Variants in NOL7 observed in about 807,000 individuals in gnomAD.
NOL7 encodes the protein U3 small nucleolar RNA-associated protein NOL7.
In NOL7, 36 loss-of-function variants were observed where a neutral mutation model predicts 38.4. The ratio of observed to expected loss-of-function variants is 0.94; its 90% CI spans 0.72 to 1.24. NOL7 has a LOEUF of 1.24. Ranked by LOEUF, NOL7 falls within the 50% of genes most tolerant of loss-of-function variation. The probability of loss-of-function intolerance (pLI) is 0.00; values close to 1 mark genes in which losing one functional copy is unlikely to be tolerated. For missense variants in NOL7, 350 were observed against 315.1 expected (o/e 1.11, Z -0.84); for synonymous variants, 142 against 126.5 (o/e 1.12, Z -0.82).
chr6:13,620,276 C>A lies in NOL7; in HGVS notation c.569C>A (p.Ala190Glu). Residue 190 changes from alanine (A) to glutamate (E), a missense_variant, in exon 6 of 8, where the codon GCA (alanine) becomes GAA (glutamate). Ala to Glu is a moderately radical substitution (Grantham distance 107, BLOSUM62 -1). Transcript: ENST00000451315. ...CTGAGAGATTCAAGGCAACAAGCAG[C>A]ACAAGCCTTCATACATAATTCATTA... The part of the protein sequence containing the change: ...QDLRDSRQQA[A>E]QAFIHNSLYG... 1 of 1,614,170 alleles carries A rather than the reference C, an allele frequency of 6.2e-7. No homozygotes were observed. The highest frequency in any genetic ancestry group is 8.5e-7 in the Non-Finnish European group (1 of 1,180,004).
chr6:13,620,219 GC>G lies in NOL7; in HGVS notation c.513del (p.Tyr172ThrfsTer4), dbSNP rs1203451065. The G allele has an allele frequency of 6.2e-7, 1 of 1,610,992 alleles. No individual in the cohort carries two copies. The highest frequency in any genetic ancestry group is 1.7e-5 in the Admixed American group (1 of 58,896). ...ATATTGATCAACAGCCAGAATAAAA[GC>G]TACTTGGCCGTAAGGCTAAAAGACC... is the stretch of plus-strand genomic sequence containing the variant. The part of the protein sequence containing the change: ...QKVQSVSQNK[S>X]YLAVRLKDQD... On this transcript the variant is annotated frameshift_variant, in exon 6 of 8. Coordinates refer to ENST00000451315, the MANE Select transcript of NOL7 (RefSeq NM_016167.5). LOFTEE classifies it high-confidence loss of function.
chr6:13,615,566 G>T lies in NOL7; in HGVS notation c.208G>T (p.Ala70Ser), dbSNP rs1296468325. 1.9e-6 allele frequency: 3 copies of T among 1,567,098 alleles called. No homozygotes were observed. Among genetic ancestry groups the T allele is most frequent in the African/African-American group, 1.4e-5 (1 of 73,916 alleles). Reference sequence around the variant, plus strand: ...TGAGGCCCCGGAGGAGCTGACTTTCGCCAGCGCCCAGGCGGAAGCGAGAGA... The same window carrying T: ...TGAGGCCCCGGAGGAGCTGACTTTCTCCAGCGCCCAGGCGGAAGCGAGAGA... ...DDEAPEELTF[A>S]SAQAEAREEE... The change falls in exon 1 of 8, where the codon GCC becomes TCC. Residue 70 changes from alanine to serine, a missense_variant. Coordinates refer to ENST00000451315, the MANE Select transcript of NOL7 (RefSeq NM_016167.5).
At chr6:13,623,110 G>T (rs1764500473), downstream of NOL7, among the ~76,000 whole-genome samples, 1 of 152,042 alleles carries the variant, frequency 6.6e-6, no homozygotes, top group Non-Finnish European at 1.5e-5. Flanking sequence ...AATTTTCAGG[G>T]TCCTGCATAT....
Position 13,615,553 on chromosome 6 carries a change from G to A in NOL7, c.195G>A (p.Glu65=), listed in dbSNP as rs1452172960. 2 of 1,562,912 alleles carry A rather than the reference G, an allele frequency of 1.3e-6. No individual in the cohort carries two copies. Among genetic ancestry groups the A allele is most frequent in the South Asian group, 1.2e-5 (1 of 85,804 alleles). The change falls in exon 1 of 8, where the codon GAG becomes GAA. Residue 65 remains glutamate, a synonymous_variant. Coordinates refer to ENST00000451315, the MANE Select transcript of NOL7 (RefSeq NM_016167.5). ...GDDEFDDEAP[E]ELTFASAQAE... ...ATGAGTTTGACGATGAGGCCCCGGA[G>A]GAGCTGACTTTCGCCAGCGCCCAGG...
intron 2 of NOL7, 147 bp downstream of exon 2, chr6:13,615,919 C>A: frequency 1.1e-6 from 1 of 873,098 alleles, no homozygotes; most frequent in Non-Finnish European, 1.7e-6. Context: ...ATGCTCGGGC[C>A]GGGCGCGGCA....
chr6:13,615,628 C>T lies in NOL7; in HGVS notation c.266+4C>T, dbSNP rs376387862. The stretch of plus-strand genomic sequence containing the variant: ...GAGTGCGGGAGACCGTGCGCAGGTT[C>T]GGAGCCCGCTGCCCGGCGGGGAGAA... On this transcript the variant is annotated splice_donor_region_variant and intron_variant, in intron 1 of 7. Coordinates refer to ENST00000451315, the MANE Select transcript of NOL7 (RefSeq NM_016167.5). 531 of 1,604,184 alleles carry T rather than the reference C, an allele frequency of 3.3e-4. No individual in the cohort carries two copies. The highest frequency in any genetic ancestry group is 4.5e-4 in the Non-Finnish European group (525 of 1,174,658).
rs939543738 is a variant in NOL7 at position 13,615,577 on chromosome 6, G to A, written c.219G>A (p.Gln73=). ...APEELTFASA[Q]AEAREEERRV... ...AGGAGCTGACTTTCGCCAGCGCCCA[G>A]GCGGAAGCGAGAGAAGAGGAGCGGC... The change falls in exon 1 of 8, where the codon CAG becomes CAA. Residue 73 remains glutamine, a synonymous_variant. Coordinates refer to ENST00000451315, the MANE Select transcript of NOL7 (RefSeq NM_016167.5). 1.3e-6 allele frequency: 2 copies of A among 1,573,966 alleles called. No individual in the cohort carries two copies. The highest frequency in any genetic ancestry group is 1.7e-6 in the Non-Finnish European group (2 of 1,158,240).
In NOL7 at chr6:13,620,729, T is replaced by TA. The variant is rs746897209; in HGVS notation, c.701-24dup. The TA allele has an allele frequency of 4.1e-6, 6 of 1,462,722 alleles. No individual in the cohort carries two copies. In the South Asian group the frequency reaches 6.1e-5, roughly 15 times the overall value. The allele number at this position is 1,462,722 out of a possible 1,614,324, so 90.6% of individuals were successfully genotyped here. A position where few individuals can be genotyped will look rare whatever the true frequency, so the allele number is the denominator to read the frequency against. On this transcript the variant is annotated intron_variant, in intron 7 of 7. Transcript: ENST00000451315. Reference sequence around the variant, plus strand: ...TTGAATTATGTTTTTCTAATATACTTACTGCAGAAAACTTTATATTCTAGG... The same window carrying TA: ...TTGAATTATGTTTTTCTAATATACTTAACTGCAGAAAACTTTATATTCTAGG...
downstream of NOL7, chr6:13,622,184 CCTAACA>C (rs1396629808): frequency 6.9e-5 from 37 of 532,846 alleles, 1 homozygote; most frequent in South Asian, 3.6e-4. Flanking sequence ...AATAATTTCT[CCTAACA>C]CTAAGTTAGA....
downstream of NOL7, among the ~76,000 whole-genome samples, chr6:13,624,765 A>G (rs1387648128): frequency 6.6e-6 from 1 of 152,148 alleles, no homozygotes; most frequent in African/African-American, 2.4e-5. Context: ...CTCGCCTTTT[A>G]AATTGCTTTT....
rs377564533 is a variant in NOL7, at chr6:13,617,246, C to A, written c.387-524C>A. Among the ~76,000 whole-genome samples, 4 of 132,706 alleles carry A rather than the reference C, an allele frequency of 3.0e-5. No individual in the cohort carries two copies. In the East Asian group the frequency reaches 7.3e-4, roughly 24 times the overall value. 87.1% of individuals were successfully genotyped at this position (132,706 alleles called of 152,430 possible). Reference sequence around the variant, plus strand: ...AGTGTCACCTTTACCTTCTCATTTGCCCCCCCCCACCTCCCATCACTTCCG... The same window carrying A: ...AGTGTCACCTTTACCTTCTCATTTGACCCCCCCCACCTCCCATCACTTCCG... On this transcript the variant is annotated intron_variant, in intron 3 of 7. Transcript: ENST00000451315.
At position 13,615,784 on chromosome 6, in the gene NOL7, G is replaced by A. The variant is rs752583211; in HGVS notation, c.327+12G>A. 6 of 1,603,184 alleles carry A rather than the reference G, an allele frequency of 3.7e-6. No individual in the cohort carries two copies. The highest frequency in any genetic ancestry group is 5.1e-6 in the Non-Finnish European group (6 of 1,176,492). The stretch of plus-strand genomic sequence containing the variant: ...TCATCGAACAGAAGGTTAGAGGCTA[G>A]GGAGGAGGTGTCTTATTAAAACAAC... On this transcript the variant is annotated intron_variant, in intron 2 of 7. Coordinates refer to ENST00000451315, the MANE Select transcript of NOL7 (RefSeq NM_016167.5).
downstream of NOL7, chr6:13,622,427 C>T: frequency 6.2e-7 from 1 of 1,607,742 alleles, no homozygotes; most frequent in Middle Eastern, 1.7e-4. Flanking sequence ...GCCATCAGTC[C>T]TAGACATTGT....
At chr6:13,624,145 T>C (rs1217953932), downstream of NOL7, among the ~76,000 whole-genome samples, 1 of 152,164 alleles carries the variant, frequency 6.6e-6, no homozygotes, top group Non-Finnish European at 1.5e-5. Flanking sequence ...TATATACAAA[T>C]CCTAAATTCC....
At chr6:13,632,355 A>C in intron 8 of NOL7, 2 of 1,606,248 alleles carry the variant, frequency 1.2e-6, no homozygotes, top group South Asian at 2.2e-5. Context: ...ATTTTTCAAG[A>C]AAAAATATAT....
downstream of NOL7, among the ~76,000 whole-genome samples, chr6:13,623,263 T>C (rs1764506314): frequency 1.3e-5 from 2 of 152,138 alleles, no homozygotes; most frequent in South Asian, 4.1e-4. Flanking sequence ...GAAGGCAATG[T>C]CCAAACTAAT....
chr6:13,620,825 T>TA lies in NOL7; in HGVS notation c.*1dup. Reference sequence around the variant, plus strand: ...GGTCAGAAAGATGAAAACTAAGAAGTAAATCAATGCTAAATGAAGAATCTG... The same window carrying TA: ...GGTCAGAAAGATGAAAACTAAGAAGTAAAATCAATGCTAAATGAAGAATCTG... ...WMVRKMKTKK[*] is the part of the protein sequence containing the mutation. The change falls in exon 8 of 8, where the codon TAA becomes TAAA. Residue 258 remains the stop codon, a frameshift_variant and stop_retained_variant. Coordinates refer to ENST00000451315, the MANE Select transcript of NOL7 (RefSeq NM_016167.5). LOFTEE classifies it high-confidence loss of function. 6.4e-7 allele frequency: 1 copy of TA among 1,569,370 alleles called. No individual in the cohort carries two copies. Among genetic ancestry groups the TA allele is most frequent in the Non-Finnish European group, 8.7e-7 (1 of 1,147,850 alleles).
chr6:13,615,781 C>G lies in NOL7; in HGVS notation c.327+9C>G. ...TGTTCATCGAACAGAAGGTTAGAGG[C>G]TAGGGAGGAGGTGTCTTATTAAAAC... On this transcript the variant is annotated intron_variant, in intron 2 of 7. Coordinates refer to ENST00000451315, the MANE Select transcript of NOL7 (RefSeq NM_016167.5). The G allele has an allele frequency of 6.2e-7, 1 of 1,607,026 alleles. No individual in the cohort carries two copies. The highest frequency in any genetic ancestry group is 8.5e-7 in the Non-Finnish European group (1 of 1,177,634).
chr6:13,616,381 T>C, intron 2 of NOL7, 82 bp from the exon 3 acceptor site: 1 of 953,240 alleles, frequency 1.0e-6, no homozygotes, highest in Non-Finnish European at 1.6e-6. Context: ...AGGGCATTCT[T>C]AAAAGCGGTA....
Sources: gnomAD v4.1 joint callset for allele counts (sites outside exome capture counted in the v4.1 genomes callset) on GRCh38, gnomAD v4.1.1 for gene constraint, MANE v1.5 for transcripts, NCBI Gene and HGNC (gene_info 2026-07-23, HGNC 2026-07-21) for gene names.